The following STYK1 variants were observed in gnomAD, a reference collection of about 807,000 sequenced individuals.
STYK1 encodes tyrosine-protein kinase STYK1.
A neutral mutation model predicts 48.1 loss-of-function variants in STYK1; 46 were observed. That is an observed-to-expected ratio of 0.96 (90% CI 0.75 to 1.22). The LOEUF (loss-of-function observed/expected upper bound fraction) is 1.22. STYK1 is among the 50% of genes most tolerant of loss of function. The probability of loss-of-function intolerance (pLI) is 0.00; values close to 1 mark genes in which losing one functional copy is unlikely to be tolerated. For synonymous variants in STYK1, 188 were observed against 189.0 expected, an observed-to-expected ratio of 0.99 and a Z score of 0.04; for missense variants, 527 against 521.1, an observed-to-expected ratio of 1.01 and a Z score of -0.11.
At chr12:10,666,693 T>C (rs1423891348) in intron 1 of STYK1, among the ~76,000 whole-genome samples, 1 of 152,214 alleles carries the variant, frequency 6.6e-6, no homozygotes, top group Non-Finnish European at 1.5e-5. Context: ...GTTCTCGTGA[T>C]AGGAATAAGT....
intron 10 of STYK1, 121 bp downstream of exon 10, chr12:10,621,755 G>T: frequency 1.3e-6 from 1 of 781,292 alleles, no homozygotes. Flanking sequence ...TTGGTTAAAA[G>T]CTGTACATGG....
intron 1 of STYK1, among the ~76,000 whole-genome samples, chr12:10,653,289 G>A (rs550034361): frequency 6.6e-6 from 1 of 151,830 alleles, no homozygotes; most frequent in East Asian, 1.9e-4. Flanking sequence ...TGTTAGCCAG[G>A]ATGGTCTCGA....
In STYK1 at chr12:10,627,739, A is replaced by G. The variant is rs12319401; in HGVS notation, c.634-15T>C. 7.9e-3 allele frequency: 12,484 copies of G among 1,588,112 alleles called. 804 individuals are homozygous for G. In the African/African-American group the frequency reaches 0.14, roughly 18 times the overall value. On this transcript the variant is annotated splice_polypyrimidine_tract_variant and intron_variant, in intron 6 of 10. Coordinates refer to ENST00000075503, the MANE Select transcript of STYK1 (RefSeq NM_018423.3). ...GTCATCACATCCTAAAGAGACAGGG[A>G]AAAAAAGCCATTATATCAAAATAGC...
intron 1 of STYK1, among the ~76,000 whole-genome samples, chr12:10,659,871 T>C (rs1947757071): frequency 6.6e-6 from 1 of 152,154 alleles, no homozygotes; most frequent in African/African-American, 2.4e-5. Context: ...ATAGAAAAAT[T>C]GTGTTTCAAG....
intron 7 of STYK1, 48 bp downstream of exon 7, chr12:10,627,593 C>A: frequency 6.5e-7 from 1 of 1,528,788 alleles, no homozygotes; most frequent in South Asian, 1.2e-5. Context: ...AAAAACAAGG[C>A]TAACAAGGAA....
intron 1 of STYK1, among the ~76,000 whole-genome samples, chr12:10,659,940 A>G (rs1947758275): frequency 6.6e-6 from 1 of 152,160 alleles, no homozygotes; most frequent in Admixed American, 6.5e-5. Context: ...TTTTTCTGCA[A>G]TTTAGACTGA....
At chr12:10,632,383 T>C (rs1400810710) in intron 4 of STYK1, among the ~76,000 whole-genome samples, 1 of 152,078 alleles carries the variant, frequency 6.6e-6, no homozygotes, top group African/African-American at 2.4e-5. Context: ...AAGCAAAAAT[T>C]GCAAAAGCAT....
chr12:10,634,531 A>G, intron 3 of STYK1, 36 bp downstream of exon 3: 1 of 1,602,376 alleles, frequency 6.2e-7, no homozygotes. Flanking sequence ...ATAATTCTAA[A>G]ATCAGAGGAT....
At chr12:10,650,291 A>T (rs938826759) in intron 1 of STYK1, among the ~76,000 whole-genome samples, 1 of 152,174 alleles carries the variant, frequency 6.6e-6, no homozygotes, top group African/African-American at 2.4e-5. Flanking sequence ...TAAAAGAACC[A>T]GTGTCAGAGT....
chr12:10,626,033 G>A (rs572158990), intron 7 of STYK1, among the ~76,000 whole-genome samples: 1 of 152,242 alleles, frequency 6.6e-6, no homozygotes, highest in East Asian at 1.9e-4. Flanking sequence ...ATTGAGGGCT[G>A]TGATTACTAA....
intron 1 of STYK1, among the ~76,000 whole-genome samples, chr12:10,647,888 G>A (rs1278028234): frequency 6.6e-6 from 1 of 152,144 alleles, no homozygotes; most frequent in African/African-American, 2.4e-5. Context: ...GATGTGACTT[G>A]CTCTGCCTTG....
chr12:10,650,599 A>T (rs1385750966), intron 1 of STYK1, among the ~76,000 whole-genome samples: 1 of 152,190 alleles, frequency 6.6e-6, no homozygotes, highest in African/African-American at 2.4e-5. Context: ...ATTAGCATAA[A>T]TGTAGCTAAA....
intron 1 of STYK1, among the ~76,000 whole-genome samples, chr12:10,655,645 C>G (rs1465103073): frequency 6.6e-6 from 1 of 152,158 alleles, no homozygotes. Context: ...ACCTTGTAGA[C>G]TCTAAATCTT....
chr12:10,622,580 A>C, intron 9 of STYK1, 58 bp downstream of exon 9: 1 of 1,604,002 alleles, frequency 6.2e-7, no homozygotes, highest in Admixed American at 1.7e-5. Flanking sequence ...CCACCCCTTA[A>C]ATAAACACGC....
Position 10,624,649 on chromosome 12 carries a change from A to G in STYK1, c.926+2T>C. The G allele has an allele frequency of 6.2e-7, 1 of 1,613,792 alleles. No individual in the cohort carries two copies. The highest frequency in any genetic ancestry group is 2.2e-5 in the East Asian group (1 of 44,870). ...AACTCAGAGTCCAGGAATAAACCGT[A>G]CACATCTGCTCTGATGCTAGCAGGT... On this transcript the variant is annotated splice_donor_variant, in intron 8 of 10. Transcript: ENST00000075503. LOFTEE classifies it high-confidence loss of function.
chr12:10,639,223 C>T (rs190691615), intron 1 of STYK1, among the ~76,000 whole-genome samples: 34 of 152,276 alleles, frequency 2.2e-4, no homozygotes, highest in Non-Finnish European at 4.0e-4. Flanking sequence ...GAGAACAATG[C>T]TCAGATCTAG....
At chr12:10,665,429 C>T (rs1362619722) in intron 1 of STYK1, among the ~76,000 whole-genome samples, 1 of 152,190 alleles carries the variant, frequency 6.6e-6, no homozygotes, top group Non-Finnish European at 1.5e-5. Flanking sequence ...AATTAAGGCA[C>T]AGAGTTCAGA....
intron 1 of STYK1, among the ~76,000 whole-genome samples, chr12:10,644,017 A>G (rs2120706368): frequency 6.6e-6 from 1 of 152,370 alleles, no homozygotes; most frequent in East Asian, 1.9e-4. Context: ...AGAAGGAACA[A>G]ATTATTCCTA....
chr12:10,622,088 T>C, intron 9 of STYK1, 116 bp from the exon 10 acceptor site: 1 of 797,274 alleles, frequency 1.3e-6, no homozygotes, highest in Non-Finnish European at 2.1e-6. Context: ...ATAGGAAAAA[T>C]ACTACATACA....
Sources: allele counts gnomAD v4.1 joint callset (sites outside exome capture counted in the v4.1 genomes callset), GRCh38; gene constraint gnomAD v4.1.1; transcripts MANE v1.5; gene names NCBI Gene and HGNC (gene_info 2026-07-23, HGNC 2026-07-21).